LMBR1: variants seen among roughly 807,000 people sequenced by gnomAD.
LMBR1 encodes limb development membrane protein 1.
In LMBR1, 52 loss-of-function variants were observed where a neutral mutation model predicts 73.9. The ratio of observed to expected loss-of-function variants is 0.70; its 90% CI spans 0.56 to 0.89. The LOEUF is 0.89. Ranked by LOEUF, LMBR1 falls within the 40% of genes least tolerant of loss-of-function variation. The probability of loss-of-function intolerance (pLI) is 0.00; values close to 1 mark genes in which losing one functional copy is unlikely to be tolerated. For missense variants in LMBR1, 539 were observed against 579.8 expected, an observed-to-expected ratio of 0.93 and a Z score of 0.72; for synonymous variants, 215 against 209.4, an observed-to-expected ratio of 1.03 and a Z score of -0.23.
intron 4 of LMBR1, chr7:156,822,290 T>C (rs981859878): frequency 6.6e-6 from 1 of 152,240 alleles, no homozygotes; most frequent in African/African-American, 2.4e-5. Flanking sequence ...TATACATATA[T>C]TCCACTTACT....
downstream of LMBR1, chr7:156,676,521 C>T (rs1204518401): frequency 2.5e-6 from 4 of 1,613,946 alleles, no homozygotes; most frequent in African/African-American, 5.3e-5. Flanking sequence ...AGAGATGGCC[C>T]TCCTGTCCTG....
chr7:156,669,844 G>C lies in LMBR1; in HGVS notation n.867-557C>G, dbSNP rs1402194240. Among the ~76,000 whole-genome samples, 2 of 152,208 alleles carry C rather than the reference G, an allele frequency of 1.3e-5. No individual in the cohort carries two copies. The highest frequency in any genetic ancestry group is 2.9e-5 in the Non-Finnish European group (2 of 68,036). On this transcript the variant is annotated intron_variant and non_coding_transcript_variant, in intron 4 of 4. Transcript: ENST00000430825. The surrounding 1 kb of genome is among the most constrained non-coding windows in gnomAD (Gnocchi z 4.2). Reference sequence around the variant, plus strand: ...ATAACCAGATGAGACGTGCAGTTGGGCCTGCAGCACGCAGGGCTTGGGGAC... The same window carrying C: ...ATAACCAGATGAGACGTGCAGTTGGCCCTGCAGCACGCAGGGCTTGGGGAC...
At chr7:156,781,349 T>G (rs1254799259) in intron 5 of LMBR1, among the ~76,000 whole-genome samples, 1 of 152,140 alleles carries the variant, frequency 6.6e-6, no homozygotes, top group African/African-American at 2.4e-5. Context: ...AAGATGTACA[T>G]GAAAGCTTCC....
rs796945091 is a variant in LMBR1 at position 156,683,033 on chromosome 7, T to C, written c.*1045A>G. Reference sequence around the variant, plus strand: ...ATAACTGAATGATTATCAGATCGTGTTATACTGCAAAACTGTTCTTACACC... The same window carrying C: ...ATAACTGAATGATTATCAGATCGTGCTATACTGCAAAACTGTTCTTACACC... On this transcript the variant is annotated 3_prime_UTR_variant, in exon 17 of 17. Transcript: ENST00000353442. The C allele has an allele frequency of 2.0e-5, 3 of 152,360 alleles. No homozygotes were observed. The highest frequency in any genetic ancestry group is 7.2e-5 in the African/African-American group (3 of 41,586). The allele number at this position is 152,360 out of a possible 1,614,324, so 9.4% of individuals were successfully genotyped here.
At chr7:156,788,692 G>C (rs1828618788) in intron 5 of LMBR1, among the ~76,000 whole-genome samples, 1 of 152,042 alleles carries the variant, frequency 6.6e-6, no homozygotes, top group Non-Finnish European at 1.5e-5. Flanking sequence ...ATAGTACGAG[G>C]TATATTTACA....
intron 9 of LMBR1, among the ~76,000 whole-genome samples, chr7:156,746,377 T>G (rs1335555344): frequency 6.6e-6 from 1 of 152,206 alleles, no homozygotes; most frequent in Non-Finnish European, 1.5e-5. Context: ...GAATAGAAAG[T>G]ATTCCTGATG....
intron 9 of LMBR1, 64 bp from the exon 10 acceptor site, chr7:156,734,321 C>A: frequency 9.9e-7 from 1 of 1,014,778 alleles, no homozygotes; most frequent in Non-Finnish European, 1.4e-6. Flanking sequence ...ACAGGTAGCC[C>A]TTTAATTAAA....
downstream of LMBR1, among the ~76,000 whole-genome samples, chr7:156,676,078 G>T (rs1428707426): frequency 2.6e-5 from 4 of 151,636 alleles, no homozygotes; most frequent in African/African-American, 4.9e-5. Flanking sequence ...GGTAACCGCT[G>T]CCCTAGCTGC....
intron 1 of LMBR1, among the ~76,000 whole-genome samples, chr7:156,839,429 G>A (rs1354866035): frequency 6.6e-6 from 1 of 152,132 alleles, no homozygotes; most frequent in African/African-American, 2.4e-5. Flanking sequence ...GACAAAAAAG[G>A]ATGGGTCAAC....
intron 5 of LMBR1, among the ~76,000 whole-genome samples, chr7:156,779,403 A>T (rs184719266): frequency 2.0e-5 from 3 of 152,386 alleles, no homozygotes; most frequent in Admixed American, 2.0e-4. Flanking sequence ...TATAGAATTA[A>T]TCACGTTATT....
intron 3 of LMBR1, among the ~76,000 whole-genome samples, chr7:156,828,206 C>T (rs1836038788): frequency 6.6e-6 from 1 of 152,202 alleles, no homozygotes; most frequent in Non-Finnish European, 1.5e-5. Flanking sequence ...TCGACATACA[C>T]TTAGACTTAC....
intron 4 of LMBR1, among the ~76,000 whole-genome samples, chr7:156,797,727 C>T (rs971059170): frequency 4.6e-5 from 7 of 152,082 alleles, no homozygotes; most frequent in Non-Finnish European, 8.8e-5. Flanking sequence ...GCAATTAATA[C>T]GGGTCAGCTG....
At chr7:156,756,293 C>A in intron 9 of LMBR1, 100 bp downstream of exon 9, 1 of 660,688 alleles carries the variant, frequency 1.5e-6, no homozygotes. Flanking sequence ...TGTAGCAGCA[C>A]AAGATTCAGA....
intron 1 of LMBR1, among the ~76,000 whole-genome samples, chr7:156,851,477 A>G (rs1364934709): frequency 1.3e-5 from 2 of 152,204 alleles, no homozygotes; most frequent in African/African-American, 4.8e-5. Flanking sequence ...CATCAATAAT[A>G]TTATACTTTA....
intron 15 of LMBR1, among the ~76,000 whole-genome samples, chr7:156,717,606 G>A (rs1055646326): frequency 1.3e-5 from 2 of 152,134 alleles, no homozygotes; most frequent in African/African-American, 2.4e-5. Context: ...TCCATAGAAT[G>A]AGGCAATTAC....
intron 15 of LMBR1, among the ~76,000 whole-genome samples, chr7:156,708,696 A>C (rs1811488328): frequency 6.6e-6 from 1 of 152,160 alleles, no homozygotes. Context: ...GCAGGGTGCA[A>C]ATGGGAACTG....
At chr7:156,739,368 C>A (rs1818476540) in intron 9 of LMBR1, among the ~76,000 whole-genome samples, 1 of 152,236 alleles carries the variant, frequency 6.6e-6, no homozygotes, top group Admixed American at 6.5e-5. Flanking sequence ...TCTGAGGGAA[C>A]TTTTCACCCT....
chr7:156,726,775 T>A (rs1815856230), intron 12 of LMBR1, among the ~76,000 whole-genome samples: 1 of 152,164 alleles, frequency 6.6e-6, no homozygotes, highest in Non-Finnish European at 1.5e-5. Flanking sequence ...CTGATCTGTC[T>A]CCTTCTCCTG....
At position 156,701,237 on chromosome 7, in the gene LMBR1, A is replaced by T. The variant is rs76742376; in HGVS notation, c.1226-13046T>A. ...CTTCCTAGATATGCATCCAACAGAA[A>T]TGTTGATATGACTGTTCAAGCTGCA... On this transcript the variant is annotated intron_variant, in intron 15 of 16. Transcript: ENST00000353442. Among the ~76,000 whole-genome samples the T allele has an allele frequency of 3.1e-3, 468 of 151,874 alleles. 2 individuals are homozygous for T. The highest frequency in any genetic ancestry group is 0.01 in the African/African-American group (423 of 41,104).
Sources: allele counts gnomAD v4.1 joint callset (sites outside exome capture counted in the v4.1 genomes callset), GRCh38; gene constraint gnomAD v4.1.1; non-coding constraint Gnocchi (gnomAD v3.1); transcripts MANE v1.5; gene names NCBI Gene and HGNC (gene_info 2026-07-23, HGNC 2026-07-21).